The following C3orf49 variants were observed in gnomAD, a reference collection of about 807,000 sequenced individuals.
C3orf49 encodes putative uncharacterized protein C3orf49.
A neutral mutation model predicts 13.3 loss-of-function variants in C3orf49; 27 were observed. The observed-to-expected ratio is 2.02, with a 90% CI of 1.49 to 2.79. C3orf49 has a LOEUF of 2.79. Among genes scored for constraint, C3orf49 ranks in the 30% most tolerant of loss-of-function variants. The probability of loss-of-function intolerance (pLI) is 0.00; values close to 1 mark genes in which losing one functional copy is unlikely to be tolerated. For synonymous variants in C3orf49, 87 were observed against 47.6 expected (o/e 1.83, Z -3.40); for missense variants, 242 against 134.2 (o/e 1.80, Z -3.97).
intron 5 of C3orf49, among the ~76,000 whole-genome samples, chr3:63,841,705 G>A (rs13059603): frequency 0.77 from 116,439 of 152,164 alleles, 44,660 homozygotes; most frequent in South Asian, 0.85. Flanking sequence ...TAATGCTTTC[G>A]GTTTTTTAAC....
chr3:63,787,632 T>C, the C3orf49 span, among the ~76,000 whole-genome samples: 1 of 152,130 alleles, frequency 6.6e-6, no homozygotes, highest in Non-Finnish European at 1.5e-5. Flanking sequence ...GCCAGGGCCA[T>C]CACCGGGAAA....
At chr3:63,842,019 A>G (rs1454921447) in intron 5 of C3orf49, among the ~76,000 whole-genome samples, 4 of 152,342 alleles carry the variant, frequency 2.6e-5, no homozygotes, top group Non-Finnish European at 5.9e-5. Flanking sequence ...GGAAAACAAC[A>G]TCTAAGGCAA....
the C3orf49 span, among the ~76,000 whole-genome samples, chr3:63,807,875 AAAAGAAAG>A: frequency 4.0e-5 from 6 of 148,522 alleles, no homozygotes; most frequent in Non-Finnish European, 5.9e-5. Flanking sequence ...AAAAAAAAAA[AAAAGAAAG>A]AAAGAAAGAA....
chr3:63,806,200 G>A, the C3orf49 span, among the ~76,000 whole-genome samples: 1 of 152,196 alleles, frequency 6.6e-6, no homozygotes, highest in African/African-American at 2.4e-5. Flanking sequence ...ATAACACTGA[G>A]GTGTGCTTCC....
the C3orf49 span, among the ~76,000 whole-genome samples, chr3:63,780,995 T>C: frequency 6.6e-6 from 1 of 151,572 alleles, no homozygotes; most frequent in Non-Finnish European, 1.5e-5. Context: ...TTAGTTTAAT[T>C]AGATCCCATT....
chr3:63,830,688 G>A (rs376609558), intron 3 of C3orf49, among the ~76,000 whole-genome samples: 11 of 152,222 alleles, frequency 7.2e-5, no homozygotes, highest in East Asian at 5.8e-4. Flanking sequence ...CGTGACTGCC[G>A]TGAAAATAAG....
the C3orf49 span, among the ~76,000 whole-genome samples, chr3:63,787,444 G>A: frequency 3.3e-5 from 5 of 151,980 alleles, no homozygotes; most frequent in East Asian, 1.9e-4. Flanking sequence ...ATTCAATTTC[G>A]GTGTCACACA....
chr3:63,790,631 G>C, the C3orf49 span, among the ~76,000 whole-genome samples: 4 of 144,918 alleles, frequency 2.8e-5, no homozygotes, highest in South Asian at 8.6e-4. Context: ...CCTCAATGCA[G>C]TAATCTATTT....
chr3:63,824,460 A>C (rs72888216), intron 2 of C3orf49, among the ~76,000 whole-genome samples: 4,915 of 152,298 alleles, frequency 0.032, 169 homozygotes, highest in African/African-American at 0.086. Context: ...TTTTGCAACT[A>C]GTATTAATGC....
intron 5 of C3orf49, chr3:63,838,059 C>T (rs963408248): frequency 1.2e-6 from 2 of 1,603,776 alleles, no homozygotes; most frequent in Non-Finnish European, 8.5e-7. Context: ...AGCTATGCTA[C>T]ATTCTATATG....
chr3:63,808,759 AG>A, the C3orf49 span, among the ~76,000 whole-genome samples: 6 of 152,306 alleles, frequency 3.9e-5, no homozygotes, highest in South Asian at 1.0e-3. Flanking sequence ...AAGGATGAAT[AG>A]GGCCTCATAC....
At chr3:63,817,568 C>A (rs1701338788), upstream of C3orf49, among the ~76,000 whole-genome samples, 2 of 152,048 alleles carry the variant, frequency 1.3e-5, no homozygotes, top group Admixed American at 1.3e-4. Flanking sequence ...GTTTTCGTTA[C>A]CCGCCCAAGG....
chr3:63,810,797 C>G, the C3orf49 span, among the ~76,000 whole-genome samples: 1 of 152,156 alleles, frequency 6.6e-6, no homozygotes, highest in Non-Finnish European at 1.5e-5. Flanking sequence ...ATACGATAAT[C>G]TCTAGAAAAG....
At chr3:63,827,007 C>T (rs1701471406) in intron 2 of C3orf49, 1 of 151,404 alleles carries the variant, frequency 6.6e-6, no homozygotes, top group Non-Finnish European at 1.5e-5. Context: ...CAAAAAATAA[C>T]ATAGTTTTGT....
intron 5 of C3orf49, among the ~76,000 whole-genome samples, chr3:63,836,935 T>G (rs1005885755): frequency 6.6e-6 from 1 of 151,912 alleles, no homozygotes; most frequent in Non-Finnish European, 1.5e-5. Flanking sequence ...AAAAGCCTCA[T>G]TAACCAACGA....
chr3:63,816,458 G>A (rs1288169415), upstream of C3orf49, among the ~76,000 whole-genome samples: 1 of 151,922 alleles, frequency 6.6e-6, no homozygotes, highest in South Asian at 2.1e-4. Context: ...TGGGCGTGGT[G>A]GCACGTGCCT....
At chr3:63,846,216 C>T in intron 6 of C3orf49, 1 of 450,746 alleles carries the variant, frequency 2.2e-6, no homozygotes, top group Non-Finnish European at 4.5e-6. Context: ...TGCCTTTCTT[C>T]CCTGAAAAAA....
chr3:63,830,977 A>T (rs1701524613), intron 3 of C3orf49, 133 bp from the exon 4 acceptor site: 1 of 600,620 alleles, frequency 1.7e-6, no homozygotes, highest in South Asian at 2.1e-5. Context: ...TACAGTCTGC[A>T]ATCCAATATT....
the C3orf49 span, among the ~76,000 whole-genome samples, chr3:63,785,065 C>CTTTTTTTTTTTTTTTTTTTT: frequency 6.2e-5 from 4 of 64,944 alleles, 1 homozygote; most frequent in Admixed American, 2.6e-4. Flanking sequence ...TCTTCTTCTT[C>CTTTTTTTTTTTTTTTTTTTT]TTTTTTTTTT....
Sources: gnomAD v4.1 joint callset for allele counts (sites outside exome capture counted in the v4.1 genomes callset) on GRCh38, gnomAD v4.1.1 for gene constraint, MANE v1.5 for transcripts, NCBI Gene and HGNC (gene_info 2026-07-23, HGNC 2026-07-21) for gene names.